ATP8B4: variants seen among roughly 807,000 people sequenced by gnomAD.
The protein encoded by ATP8B4 is ATPase phospholipid transporting 8B4 (putative).
ATP8B4 carries 133 observed loss-of-function variants against 145.6 expected under a neutral mutation model. The ratio of observed to expected loss-of-function variants is 0.91; its 90% CI spans 0.79 to 1.05. The LOEUF (loss-of-function observed/expected upper bound fraction) is 1.05. Among genes scored for constraint, ATP8B4 ranks in the 50% least tolerant of loss-of-function variants. The pLI, the probability that ATP8B4 is intolerant of heterozygous loss-of-function variation, is 0.00. For missense variants in ATP8B4, 1,458 were observed against 1,425.2 expected, an observed-to-expected ratio of 1.02 and a Z score of -0.37; for synonymous variants, 507 against 492.9, an observed-to-expected ratio of 1.03 and a Z score of -0.38.
chr15:50,179,577 C>T (rs2044813731), intron 1 of ATP8B4, among the ~76,000 whole-genome samples: 1 of 152,160 alleles, frequency 6.6e-6, no homozygotes, highest in Non-Finnish European at 1.5e-5. Flanking sequence ...CTACAAAATT[C>T]ATATATTGAA....
Position 49,863,244 on chromosome 15 carries a change from G to C in ATP8B4, c.3167-869C>G, listed in dbSNP as rs541757007. Among the ~76,000 whole-genome samples, 4 of 152,282 alleles carry C rather than the reference G, an allele frequency of 2.6e-5. No homozygotes were observed. The East Asian group carries it at 7.7e-4, about 29-fold the overall frequency. On this transcript the variant is annotated intron_variant, in intron 26 of 27. Transcript: ENST00000284509. ...TCCTCAAAGTTCCAAGATCAAGAAGGCTCCTGGGTTTGTGAAAAGAACATT... is the reference window on the plus strand; with the variant it reads ...TCCTCAAAGTTCCAAGATCAAGAAGCCTCCTGGGTTTGTGAAAAGAACATT...
rs2047456778 is a variant in ATP8B4, at chr15:49,996,700, A to G, written c.566T>C (p.Ile189Thr). The change falls in exon 9 of 28, where the codon ATC becomes ACC. Residue 189 changes from isoleucine to threonine, a missense_variant. Coordinates refer to ENST00000284509, the MANE Select transcript of ATP8B4 (RefSeq NM_024837.4). ...ACCATCAAACCCTGCAAGTCTGCTG[A>G]TATCTGCTCCAAGTTCTGAAGTAAC... The part of the protein sequence containing the change: ...LSVTSELGAD[I>T]SRLAGFDGIV... The G allele has an allele frequency of 6.2e-7, 1 of 1,609,218 alleles. No individual in the cohort carries two copies. Among genetic ancestry groups the G allele is most frequent in the Non-Finnish European group, 8.5e-7 (1 of 1,176,500 alleles).
chr15:50,088,330 A>G (rs1282299508), intron 2 of ATP8B4, among the ~76,000 whole-genome samples: 1 of 151,826 alleles, frequency 6.6e-6, no homozygotes, highest in East Asian at 1.9e-4. Context: ...TGGGTGACAG[A>G]GCGAGACTCC....
chr15:50,143,524 G>A (rs1262699668), intron 1 of ATP8B4, among the ~76,000 whole-genome samples: 3 of 152,208 alleles, frequency 2.0e-5, no homozygotes, highest in Admixed American at 6.5e-5. Context: ...CAAAGCTTTT[G>A]ATAAGCTAAC....
chr15:50,110,409 C>T (rs1306207231), intron 1 of ATP8B4, among the ~76,000 whole-genome samples: 1 of 152,092 alleles, frequency 6.6e-6, no homozygotes, highest in Non-Finnish European at 1.5e-5. Flanking sequence ...ATCAACTCAC[C>T]GAAATACCAC....
chr15:49,873,531 T>C lies in ATP8B4; in HGVS notation c.3027+2747A>G, dbSNP rs185673100. Among the ~76,000 whole-genome samples the C allele has an allele frequency of 1.7e-3, 261 of 152,300 alleles. 1 individual carries two copies. The highest frequency in any genetic ancestry group is 6.1e-3 in the African/African-American group (253 of 41,560). On this transcript the variant is annotated intron_variant, in intron 25 of 27. Coordinates refer to ENST00000284509, the MANE Select transcript of ATP8B4 (RefSeq NM_024837.4). ...AGTGAAAAAATAAGACATAAAATTA[T>C]ATATATATAATCCGATTTCCATTTT...
intron 7 of ATP8B4, among the ~76,000 whole-genome samples, chr15:50,002,721 T>C (rs1567178290): frequency 6.6e-6 from 1 of 150,700 alleles, no homozygotes; most frequent in Non-Finnish European, 1.5e-5. Flanking sequence ...GAGATAAAGA[T>C]GGAAAGAAAA....
intron 15 of ATP8B4, 64 bp downstream of exon 15, chr15:49,933,953 G>T: frequency 7.0e-7 from 1 of 1,425,818 alleles, no homozygotes; most frequent in Non-Finnish European, 9.3e-7. Context: ...TTCAAATTTA[G>T]TGTCAGTTTC....
intron 6 of ATP8B4, among the ~76,000 whole-genome samples, chr15:50,012,814 T>C (rs556691471): frequency 6.6e-6 from 1 of 152,304 alleles, no homozygotes; most frequent in African/African-American, 2.4e-5. Flanking sequence ...TAACCTCTGA[T>C]TTGAATATAT....
intron 23 of ATP8B4, chr15:49,879,712 A>G: frequency 2.7e-6 from 1 of 370,002 alleles, no homozygotes; most frequent in Non-Finnish European, 4.9e-6. Flanking sequence ...TGAGGACAAA[A>G]TAATACATGC....
chr15:49,930,944 T>C (rs1277076548), intron 16 of ATP8B4, among the ~76,000 whole-genome samples, 175 bp downstream of exon 16: 2 of 152,048 alleles, frequency 1.3e-5, no homozygotes, highest in African/African-American at 2.4e-5. Context: ...ACTTGATAAA[T>C]GTTAGTTATA....
At chr15:50,078,901 C>T (rs1318013861) in intron 2 of ATP8B4, among the ~76,000 whole-genome samples, 2 of 152,002 alleles carry the variant, frequency 1.3e-5, no homozygotes, top group East Asian at 3.9e-4. Context: ...CTATACCGAG[C>T]CAAATAATCA....
At chr15:49,908,431 T>C (rs2038861883) in intron 20 of ATP8B4, among the ~76,000 whole-genome samples, 1 of 152,182 alleles carries the variant, frequency 6.6e-6, no homozygotes, top group South Asian at 2.1e-4. Context: ...AGGCATCCTG[T>C]CTGGCTGGGA....
chr15:49,925,825 T>C (rs1334572727), intron 16 of ATP8B4, among the ~76,000 whole-genome samples: 1 of 152,186 alleles, frequency 6.6e-6, no homozygotes, highest in Admixed American at 6.5e-5. Context: ...ATCTCTTTTC[T>C]TCCAAGCCTT....
intron 5 of ATP8B4, among the ~76,000 whole-genome samples, chr15:50,044,129 G>C (rs2051539426): frequency 6.6e-6 from 1 of 152,154 alleles, no homozygotes; most frequent in Non-Finnish European, 1.5e-5. Context: ...GGGAGTTGGT[G>C]TCCCTAACCC....
Position 49,957,115 on chromosome 15 carries a change from C to A in ATP8B4, c.1287+4862G>T, listed in dbSNP as rs1350270847. Among the ~76,000 whole-genome samples, 6 of 151,784 alleles carry A rather than the reference C, an allele frequency of 4.0e-5. No homozygotes were observed. In the East Asian group the frequency reaches 1.2e-3, roughly 29 times the overall value. On this transcript the variant is annotated intron_variant, in intron 14 of 27. Coordinates refer to ENST00000284509, the MANE Select transcript of ATP8B4 (RefSeq NM_024837.4). The stretch of plus-strand genomic sequence containing the variant: ...TTGGTATTTGAAAACCAAAAAATAT[C>A]TTTTAAAGCTGCAAATCGACTCATA...
chr15:49,926,445 A>G (rs2040734646), intron 16 of ATP8B4, among the ~76,000 whole-genome samples: 1 of 152,116 alleles, frequency 6.6e-6, no homozygotes. Flanking sequence ...GGTTTTACCC[A>G]TTCCAGTACT....
intron 20 of ATP8B4, among the ~76,000 whole-genome samples, chr15:49,908,813 C>A (rs1422731817): frequency 6.6e-6 from 1 of 152,124 alleles, no homozygotes; most frequent in Non-Finnish European, 1.5e-5. Context: ...ACGCTGACAG[C>A]AACCCCACTA....
At chr15:50,047,537 C>T in intron 3 of ATP8B4, 73 bp from the exon 4 acceptor site, 3 of 917,046 alleles carry the variant, frequency 3.3e-6, no homozygotes, top group Non-Finnish European at 1.8e-6. Context: ...CTAAAACCTA[C>T]AAGCCTGAGC....
Sources: allele counts gnomAD v4.1 joint callset (sites outside exome capture counted in the v4.1 genomes callset), GRCh38; gene constraint gnomAD v4.1.1; transcripts MANE v1.5; gene names NCBI Gene and HGNC (gene_info 2026-07-23, HGNC 2026-07-21).